LUZP2: variants seen among roughly 807,000 people sequenced by gnomAD.
LUZP2 encodes leucine zipper protein 2.
Under a neutral mutation model 51.6 loss-of-function variants are expected in LUZP2, and 52 were observed. The ratio of observed to expected loss-of-function variants is 1.01; its 90% CI spans 0.81 to 1.27. The LOEUF is 1.27. Ranked by LOEUF, LUZP2 falls within the 50% of genes most tolerant of loss-of-function variation. LUZP2 has a pLI of 0.00. For synonymous variants in LUZP2, 154 were observed against 137.3 expected (o/e 1.12, Z -0.85); for missense variants, 436 against 395.4 (o/e 1.10, Z -0.87).
chr11:24,711,990 T>C (rs1857844054), intron 1 of LUZP2, among the ~76,000 whole-genome samples: 1 of 152,202 alleles, frequency 6.6e-6, no homozygotes, highest in Non-Finnish European at 1.5e-5. Flanking sequence ...TGGTGTACTC[T>C]GATTGATGTA....
intron 1 of LUZP2, among the ~76,000 whole-genome samples, chr11:24,612,134 A>T (rs898154863): frequency 2.6e-5 from 4 of 152,144 alleles, no homozygotes; most frequent in Non-Finnish European, 4.4e-5. Flanking sequence ...ACCCAATTAA[A>T]TTTAGCATAG....
chr11:24,925,201 T>G (rs981952042), intron 7 of LUZP2, among the ~76,000 whole-genome samples: 3 of 152,182 alleles, frequency 2.0e-5, no homozygotes, highest in Non-Finnish European at 1.5e-5. Flanking sequence ...TTGCCAGTCT[T>G]AAGGTTTCTA....
At chr11:24,687,302 T>C (rs1856926091) in intron 1 of LUZP2, among the ~76,000 whole-genome samples, 1 of 152,198 alleles carries the variant, frequency 6.6e-6, no homozygotes, top group Admixed American at 6.5e-5. Context: ...TTCGGGAATT[T>C]TATCAGTCTT....
chr11:24,729,190 A>G lies in LUZP2; in HGVS notation c.84A>G (p.Glu28=). 1 of 1,572,876 alleles carries G rather than the reference A, an allele frequency of 6.4e-7. No individual in the cohort carries two copies. The highest frequency in any genetic ancestry group is 8.7e-7 in the Non-Finnish European group (1 of 1,152,562). Residue 28 remains glutamate (E), a synonymous_variant, in exon 2 of 12, where the codon GAA becomes GAG. Transcript: ENST00000336930. ...TTAGACAGGACTATGAAGAGCTAGA[A>G]AAGCAGCTGAAAGAAGTCTTTAAGG... ...LSTRQDYEEL[E]KQLKEVFKER...
At chr11:24,823,568 G>GGCA (rs1850426857) in intron 5 of LUZP2, among the ~76,000 whole-genome samples, 1 of 151,998 alleles carries the variant, frequency 6.6e-6, no homozygotes, top group African/African-American at 2.4e-5. Context: ...ATTATGGAGG[G>GGCA]GCAGTAGGGG....
At chr11:24,842,176 GA>G (rs1851055592) in intron 5 of LUZP2, among the ~76,000 whole-genome samples, 1 of 149,702 alleles carries the variant, frequency 6.7e-6, no homozygotes, top group Middle Eastern at 3.5e-3. Flanking sequence ...TATTAACACA[GA>G]GGGGCATTAT....
intron 10 of LUZP2, among the ~76,000 whole-genome samples, chr11:25,052,743 AG>A (rs1858558251): frequency 1.3e-5 from 2 of 151,056 alleles, no homozygotes; most frequent in African/African-American, 4.9e-5. Flanking sequence ...CTGAATAAGA[AG>A]GCAGAACTTA....
chr11:24,566,645 C>T (rs951829640), intron 1 of LUZP2, among the ~76,000 whole-genome samples: 2 of 142,162 alleles, frequency 1.4e-5, no homozygotes, highest in African/African-American at 5.2e-5. Context: ...CACACACACA[C>T]AAAAATTAGC....
chr11:24,747,904 G>C (rs944736309), intron 4 of LUZP2, among the ~76,000 whole-genome samples: 1 of 152,054 alleles, frequency 6.6e-6, no homozygotes, highest in Non-Finnish European at 1.5e-5. Context: ...CACTCCCACC[G>C]TGTCCCCTCT....
intron 1 of LUZP2, among the ~76,000 whole-genome samples, chr11:24,633,110 C>T (rs1854951262): frequency 6.6e-6 from 1 of 151,874 alleles, no homozygotes; most frequent in Non-Finnish European, 1.5e-5. Flanking sequence ...TTTCTTGTTG[C>T]CTTCATGATG....
At chr11:24,730,204 T>A (rs1207448665) in intron 2 of LUZP2, among the ~76,000 whole-genome samples, 3 of 151,746 alleles carry the variant, frequency 2.0e-5, no homozygotes, top group Non-Finnish European at 4.4e-5. Flanking sequence ...CAAGGTCCAG[T>A]GCTAGATACT....
intron 5 of LUZP2, among the ~76,000 whole-genome samples, chr11:24,879,843 T>C (rs538801997): frequency 7.7e-6 from 1 of 130,066 alleles, no homozygotes; most frequent in East Asian, 2.8e-4. Context: ...GACAAAGTCC[T>C]CTTTAATCTA....
chr11:25,055,338 A>T (rs1442399834), intron 10 of LUZP2, among the ~76,000 whole-genome samples: 1 of 152,050 alleles, frequency 6.6e-6, no homozygotes, highest in East Asian at 1.9e-4. Context: ...TTCTTTCAGC[A>T]ATGTTTGATA....
intron 1 of LUZP2, among the ~76,000 whole-genome samples, chr11:24,633,363 T>C (rs187576421): frequency 4.7e-4 from 72 of 152,166 alleles, no homozygotes; most frequent in Admixed American, 3.3e-3. Flanking sequence ...ACTATGTTCT[T>C]AGCAAAAGAT....
intron 1 of LUZP2, among the ~76,000 whole-genome samples, chr11:24,558,345 T>C (rs904948369): frequency 2.0e-5 from 3 of 150,920 alleles, no homozygotes; most frequent in Non-Finnish European, 4.4e-5. Flanking sequence ...GACTTCATAA[T>C]AAAGTGAGCC....
At chr11:24,710,335 C>T (rs1419747511) in intron 1 of LUZP2, among the ~76,000 whole-genome samples, 2 of 152,020 alleles carry the variant, frequency 1.3e-5, no homozygotes, top group Non-Finnish European at 2.9e-5. Flanking sequence ...TGCAGAATGG[C>T]AGAATCTGAA....
At chr11:24,940,303 T>C (rs1363634398) in intron 7 of LUZP2, among the ~76,000 whole-genome samples, 1 of 152,106 alleles carries the variant, frequency 6.6e-6, no homozygotes. Context: ...GACTCACATA[T>C]TCAGGGTAGT....
At chr11:24,991,826 T>C (rs1013291340) in intron 9 of LUZP2, among the ~76,000 whole-genome samples, 2 of 152,070 alleles carry the variant, frequency 1.3e-5, no homozygotes, top group South Asian at 2.1e-4. Context: ...ATTAGTGATG[T>C]TGAGCATTTT....
chr11:24,775,764 G>A (rs12285443), intron 5 of LUZP2, among the ~76,000 whole-genome samples: 1 of 151,748 alleles, frequency 6.6e-6, no homozygotes, highest in Non-Finnish European at 1.5e-5. Context: ...GGTTCTCTGA[G>A]AGAGAGATAG....
Sources: allele counts gnomAD v4.1 joint callset (sites outside exome capture counted in the v4.1 genomes callset), GRCh38; gene constraint gnomAD v4.1.1; transcripts MANE v1.5; gene names NCBI Gene and HGNC (gene_info 2026-07-23, HGNC 2026-07-21).